The following NTM variants were observed in gnomAD, a reference collection of about 807,000 sequenced individuals.
NTM encodes IgLON family member 2.
A neutral mutation model predicts 42.1 loss-of-function variants in NTM; 13 were observed. The ratio of observed to expected loss-of-function variants is 0.31; its 90% confidence interval spans 0.20 to 0.49. The LOEUF (loss-of-function observed/expected upper bound fraction) is 0.49. Among genes scored for constraint, NTM ranks in the 20% least tolerant of loss-of-function variants. NTM has a pLI of 0.99. For synonymous variants in NTM, 187 were observed against 179.2 expected, an observed-to-expected ratio of 1.04 and a Z score of -0.35; for missense variants, 373 against 452.8, an observed-to-expected ratio of 0.82 and a Z score of 1.60.
intron 7 of NTM, among the ~76,000 whole-genome samples, chr11:132,321,827 C>A (rs558374258): frequency 9.3e-5 from 14 of 150,014 alleles, no homozygotes; most frequent in African/African-American, 1.5e-4. Flanking sequence ...AACAGCGGAT[C>A]TCTCGGCAGA....
intron 2 of NTM, among the ~76,000 whole-genome samples, chr11:131,966,793 T>C (rs949636785): frequency 3.9e-5 from 6 of 152,126 alleles, no homozygotes; most frequent in Non-Finnish European, 5.9e-5. Flanking sequence ...AGGGGTAGAA[T>C]GGAATGTGTT....
At chr11:131,446,984 A>G (rs1043881530) in intron 1 of NTM, among the ~76,000 whole-genome samples, 2 of 152,240 alleles carry the variant, frequency 1.3e-5, no homozygotes, top group African/African-American at 4.8e-5. Flanking sequence ...TCAGAAAGGA[A>G]AGATAGAAAT....
At chr11:131,851,532 C>CTCGCGT (rs1555154795) in intron 1 of NTM, among the ~76,000 whole-genome samples, 1 of 146,702 alleles carries the variant, frequency 6.8e-6, no homozygotes, top group Non-Finnish European at 1.5e-5. Flanking sequence ...GTGAGAATGG[C>CTCGCGT]GTGTGTGTGT....
chr11:131,493,101 G>A (rs1309016066), intron 1 of NTM, among the ~76,000 whole-genome samples: 1 of 152,040 alleles, frequency 6.6e-6, no homozygotes, highest in Non-Finnish European at 1.5e-5. Flanking sequence ...GGTGGCACAT[G>A]TCTGTAGTCC....
At chr11:131,655,712 G>T (rs2067097738) in intron 1 of NTM, among the ~76,000 whole-genome samples, 1 of 152,230 alleles carries the variant, frequency 6.6e-6, no homozygotes, top group Non-Finnish European at 1.5e-5. Flanking sequence ...TTAGCACATT[G>T]TTCGATCTGA....
intron 1 of NTM, among the ~76,000 whole-genome samples, chr11:131,498,187 T>C (rs1370664849): frequency 6.6e-6 from 1 of 152,064 alleles, no homozygotes; most frequent in Non-Finnish European, 1.5e-5. Context: ...CAACGGGAGG[T>C]TGGAAGTAAG....
At position 131,383,023 on chromosome 11, in the gene NTM, C is replaced by T. The variant is rs1942879327; in HGVS notation, c.82+12135C>T. ...TTGCCTATCCTTGCTCACAGGTGAT[C>T]TTCTCTAAATGATCTTTTTAAACAC... On this transcript the variant is annotated intron_variant, in intron 1 of 8. Transcript: ENST00000683400. 2.0e-5 allele frequency among the ~76,000 whole-genome samples: 3 copies of T among 152,134 alleles called. No individual in the cohort carries two copies. In the South Asian group the frequency reaches 6.2e-4, roughly 32 times the overall value.
At chr11:131,985,337 A>G (rs1338671157) in intron 2 of NTM, among the ~76,000 whole-genome samples, 1 of 152,224 alleles carries the variant, frequency 6.6e-6, no homozygotes, top group African/African-American at 2.4e-5. Flanking sequence ...GCCCAAGTGC[A>G]ATCTGTGAAC....
intron 2 of NTM, among the ~76,000 whole-genome samples, chr11:131,935,100 C>T (rs1317198823): frequency 6.6e-6 from 1 of 152,146 alleles, no homozygotes; most frequent in Non-Finnish European, 1.5e-5. Context: ...GATAGGTTTG[C>T]TGGTGAAGCA....
intron 1 of NTM, among the ~76,000 whole-genome samples, chr11:131,472,848 C>G (rs535293637): frequency 6.6e-6 from 1 of 152,060 alleles, no homozygotes; most frequent in African/African-American, 2.4e-5. Flanking sequence ...TGTCTGACTC[C>G]GAAGCCCACA....
intron 3 of NTM, among the ~76,000 whole-genome samples, chr11:132,210,514 C>A (rs2082665451): frequency 6.6e-6 from 1 of 152,166 alleles, no homozygotes; most frequent in Non-Finnish European, 1.5e-5. Flanking sequence ...TGATGCTAAG[C>A]ACATAACCAT....
At chr11:132,283,009 A>G (rs2139867174) in intron 4 of NTM, among the ~76,000 whole-genome samples, 1 of 73,156 alleles carries the variant, frequency 1.4e-5, no homozygotes, top group Middle Eastern at 7.2e-3. Flanking sequence ...TTTATTTGAG[A>G]CAGAGTCTCG....
intron 4 of NTM, among the ~76,000 whole-genome samples, chr11:132,213,175 C>T (rs1482625709): frequency 6.6e-6 from 1 of 151,978 alleles, no homozygotes; most frequent in Non-Finnish European, 1.5e-5. Flanking sequence ...TGCCGGTGTG[C>T]ACAGATGGAT....
intron 2 of NTM, among the ~76,000 whole-genome samples, chr11:132,103,156 G>A (rs1324989921): frequency 1.3e-5 from 2 of 152,218 alleles, no homozygotes; most frequent in African/African-American, 2.4e-5. Flanking sequence ...GCACACAGGC[G>A]CAGGCAGCAC....
chr11:131,957,011 A>G (rs1302230689), intron 2 of NTM, among the ~76,000 whole-genome samples: 1 of 151,796 alleles, frequency 6.6e-6, no homozygotes, highest in Non-Finnish European at 1.5e-5. Context: ...TACCTCATTT[A>G]ATCCTGTTAA....
chr11:132,322,258 A>G (rs972908734), intron 7 of NTM, among the ~76,000 whole-genome samples: 2 of 152,172 alleles, frequency 1.3e-5, no homozygotes, highest in African/African-American at 4.8e-5. Context: ...GTCAAGACCC[A>G]TCAGTGTGCT....
intron 1 of NTM, among the ~76,000 whole-genome samples, chr11:131,788,233 A>C (rs12285284): frequency 0.13 from 19,159 of 152,086 alleles, 1,299 homozygotes; most frequent in Middle Eastern, 0.17. Context: ...TCTTCAATTT[A>C]TCTATCTTCT....
intron 1 of NTM, among the ~76,000 whole-genome samples, chr11:131,787,917 T>C (rs542093653): frequency 3.9e-5 from 6 of 152,340 alleles, no homozygotes; most frequent in Admixed American, 6.5e-5. Flanking sequence ...TATGTTGTTA[T>C]TGAGTTTCAC....
intron 1 of NTM, among the ~76,000 whole-genome samples, chr11:131,419,821 A>G (rs1201623401): frequency 6.6e-6 from 1 of 152,162 alleles, no homozygotes; most frequent in Non-Finnish European, 1.5e-5. Flanking sequence ...AGGCCATTAC[A>G]CTCAAATAAA....
Sources: gnomAD v4.1 joint callset for allele counts (sites outside exome capture counted in the v4.1 genomes callset) on GRCh38, gnomAD v4.1.1 for gene constraint, MANE v1.5 for transcripts, NCBI Gene and HGNC (gene_info 2026-07-23, HGNC 2026-07-21) for gene names.